Variants in ILDR1 observed in about 807,000 individuals in gnomAD.
ILDR1 encodes the protein immunoglobulin like domain containing receptor 1.
A neutral mutation model predicts 62.4 loss-of-function variants in ILDR1; 56 were observed. The observed-to-expected ratio is 0.90, with a 90% CI of 0.72 to 1.12. The LOEUF (loss-of-function observed/expected upper bound fraction) is 1.12, where lower values mean the gene tolerates loss of function less well. ILDR1 is among the 50% of genes most tolerant of loss of function. The pLI, the probability that ILDR1 is intolerant of heterozygous loss-of-function variation, is 0.00. For missense variants in ILDR1, 736 were observed against 710.6 expected (o/e 1.04, Z -0.41); for synonymous variants, 284 against 277.8 (o/e 1.02, Z -0.22).
At chr3:121,993,037 A>C in intron 7 of ILDR1, 113 bp downstream of exon 7, 1 of 890,768 alleles carries the variant, frequency 1.1e-6, no homozygotes, top group Non-Finnish European at 1.8e-6. Context: ...CAAAACAGGG[A>C]GGAGGCACCC....
the ILDR1 span, among the ~76,000 whole-genome samples, chr3:122,056,904 T>G: frequency 6.6e-6 from 1 of 152,216 alleles, no homozygotes; most frequent in Non-Finnish European, 1.5e-5. Flanking sequence ...TAAAAAACCA[T>G]AGGCTGCTGT....
the ILDR1 span, among the ~76,000 whole-genome samples, chr3:122,045,092 C>G: frequency 9.9e-5 from 15 of 152,020 alleles, no homozygotes; most frequent in Admixed American, 7.9e-4. Flanking sequence ...GCTTTAAATG[C>G]ATCCCAGAGA....
chr3:122,024,620 G>C (rs1042062913), upstream of ILDR1, among the ~76,000 whole-genome samples: 1 of 152,108 alleles, frequency 6.6e-6, no homozygotes, highest in African/African-American at 2.4e-5. Flanking sequence ...TATGTACCAA[G>C]CAATGTTCTT....
intron 5 of ILDR1, among the ~76,000 whole-genome samples, chr3:121,998,558 C>A (rs765026965): frequency 6.6e-6 from 1 of 152,174 alleles, no homozygotes; most frequent in Admixed American, 6.5e-5. Flanking sequence ...ACAACTCTCC[C>A]GCAGAACCTC....
chr3:122,017,525 TC>T (rs918648604), intron 1 of ILDR1, among the ~76,000 whole-genome samples: 3 of 152,182 alleles, frequency 2.0e-5, no homozygotes, highest in Non-Finnish European at 4.4e-5. Context: ...TAGTTAGACA[TC>T]CAGGAAGCAG....
At chr3:122,005,210 C>CCCCCCCTTG in intron 3 of ILDR1, 34 bp downstream of exon 3, 1 of 1,198,856 alleles carries the variant, frequency 8.3e-7, no homozygotes. Context: ...CCTCCCCCCA[C>CCCCCCCTTG]CCCCAGTTCC....
At chr3:122,027,447 C>G in the ILDR1 span, among the ~76,000 whole-genome samples, 1 of 152,190 alleles carries the variant, frequency 6.6e-6, no homozygotes, top group African/African-American at 2.4e-5. Context: ...GCCTTGGACC[C>G]CCAAAGTGCT....
chr3:122,020,890 T>G (rs541722102), intron 1 of ILDR1, among the ~76,000 whole-genome samples: 1 of 152,162 alleles, frequency 6.6e-6, no homozygotes, highest in Non-Finnish European at 1.5e-5. Context: ...GGGATATCAA[T>G]TTTCTAGTTT....
chr3:122,018,694 T>C (rs1015762076), intron 1 of ILDR1, among the ~76,000 whole-genome samples: 1 of 152,158 alleles, frequency 6.6e-6, no homozygotes, highest in African/African-American at 2.4e-5. Context: ...TTTCCTTATC[T>C]GTAAAACTGG....
Position 122,007,104 on chromosome 3 carries a change from G to A in ILDR1, c.116C>T (p.Ala39Val). The change falls in exon 2 of 8, where the codon GCC (alanine) becomes GTC (valine). Residue 39 changes from alanine to valine, a missense_variant. By Grantham distance (64) the Ala-to-Val change is moderately conservative. Coordinates refer to ENST00000344209, the MANE Select transcript of ILDR1 (RefSeq NM_001199799.2). ...QHTERYVTLF[A>V]SIILKCDYTT... is the part of the protein sequence containing the mutation. ...GTAGTCACATTTGAGGATGATAGAG[G>A]CAAACAGGGTGACATAGCGTTCTGT... 6.2e-7 allele frequency: 1 copy of A among 1,614,156 alleles called. No individual in the cohort carries two copies. The highest frequency in any genetic ancestry group is 8.5e-7 in the Non-Finnish European group (1 of 1,180,010).
chr3:122,024,431 A>G (rs1197643904), upstream of ILDR1, among the ~76,000 whole-genome samples: 2 of 152,244 alleles, frequency 1.3e-5, no homozygotes, highest in East Asian at 3.8e-4. Flanking sequence ...AAATAGCTTT[A>G]ATAAAGTTTA....
At chr3:122,033,140 T>C in the ILDR1 span, among the ~76,000 whole-genome samples, 5 of 152,222 alleles carry the variant, frequency 3.3e-5, no homozygotes, top group Non-Finnish European at 7.3e-5. Flanking sequence ...TTGTTCCACA[T>C]CCTTGGCAAC....
chr3:122,052,918 A>G, the ILDR1 span, among the ~76,000 whole-genome samples: 3 of 152,204 alleles, frequency 2.0e-5, no homozygotes, highest in African/African-American at 7.2e-5. Flanking sequence ...TTTCTTCTTC[A>G]GGGAGAAGCC....
intron 1 of ILDR1, among the ~76,000 whole-genome samples, chr3:122,014,081 G>A (rs1460247120): frequency 6.6e-6 from 1 of 152,174 alleles, no homozygotes. Context: ...ATGTCTTCTG[G>A]ATAAGTTTTC....
chr3:122,057,770 T>C, the ILDR1 span, among the ~76,000 whole-genome samples: 2 of 152,224 alleles, frequency 1.3e-5, no homozygotes, highest in Non-Finnish European at 2.9e-5. Context: ...ACTCTACCCA[T>C]AACTCATTAG....
chr3:122,026,833 TA>T (rs2071925141), upstream of ILDR1, among the ~76,000 whole-genome samples: 1 of 152,156 alleles, frequency 6.6e-6, no homozygotes, highest in Non-Finnish European at 1.5e-5. Context: ...CCAACACAAT[TA>T]TAAAATAGAA....
intron 1 of ILDR1, 110 bp downstream of exon 1, chr3:122,021,910 G>A: frequency 9.6e-7 from 1 of 1,037,210 alleles, no homozygotes; most frequent in Non-Finnish European, 1.5e-6. Flanking sequence ...CGCCACCAGA[G>A]CGCGGCCCAG....
rs988757567 is a variant in ILDR1, at chr3:122,022,085, C to G, written c.-8G>C. 8.1e-6 allele frequency: 13 copies of G among 1,599,504 alleles called. No individual in the cohort carries two copies. The highest frequency in any genetic ancestry group is 8.0e-5 in the African/African-American group (6 of 74,724). On this transcript the variant is annotated 5_prime_UTR_variant, in exon 1 of 8. Coordinates refer to ENST00000344209, the MANE Select transcript of ILDR1 (RefSeq NM_001199799.2). Reference sequence around the variant, plus strand: ...CAGTTTGGGCCATGCCATGCCGCCCCCTTTCTGGCCCTTTTCAGCTCAGGG... The same window carrying G: ...CAGTTTGGGCCATGCCATGCCGCCCGCTTTCTGGCCCTTTTCAGCTCAGGG...
the ILDR1 span, among the ~76,000 whole-genome samples, chr3:122,040,550 A>T: frequency 6.6e-6 from 1 of 151,990 alleles, no homozygotes; most frequent in African/African-American, 2.4e-5. Context: ...ATAAAGCTAC[A>T]GTAGTCAAGA....
Sources: allele counts gnomAD v4.1 joint callset (sites outside exome capture counted in the v4.1 genomes callset), GRCh38; gene constraint gnomAD v4.1.1; transcripts MANE v1.5; gene names NCBI Gene and HGNC (gene_info 2026-07-23, HGNC 2026-07-21).